Variants in NAALADL2 observed in about 807,000 individuals in gnomAD.
The protein encoded by NAALADL2 is inactive N-acetylated-alpha-linked acidic dipeptidase-like protein 2.
A neutral mutation model predicts 87.2 loss-of-function variants in NAALADL2; 76 were observed. The ratio of observed to expected loss-of-function variants is 0.87; its 90% CI spans 0.72 to 1.05. The LOEUF is 1.05. Among genes scored for constraint, NAALADL2 ranks in the 50% least tolerant of loss-of-function variants. The pLI, the probability that NAALADL2 is intolerant of heterozygous loss-of-function variation, is 0.00. For missense variants in NAALADL2, 1,089 were observed against 945.8 expected, an observed-to-expected ratio of 1.15 and a Z score of -1.99; for synonymous variants, 354 against 331.0, an observed-to-expected ratio of 1.07 and a Z score of -0.75.
At chr3:175,777,077 C>T (rs541092751) in intron 13 of NAALADL2, among the ~76,000 whole-genome samples, 5 of 151,318 alleles carry the variant, frequency 3.3e-5, no homozygotes, top group South Asian at 2.1e-4. Flanking sequence ...ATTTATTTGC[C>T]GTCTTCTGAT....
At chr3:174,918,845 A>G (rs1734763315) in intron 1 of NAALADL2, among the ~76,000 whole-genome samples, 1 of 152,180 alleles carries the variant, frequency 6.6e-6, no homozygotes, top group Non-Finnish European at 1.5e-5. Flanking sequence ...GATCAAAGAA[A>G]GAATAAAGAA....
intron 1 of NAALADL2, among the ~76,000 whole-genome samples, chr3:174,463,361 A>G (rs1716325869): frequency 6.6e-6 from 1 of 152,190 alleles, no homozygotes; most frequent in Admixed American, 6.5e-5. Flanking sequence ...ATGAAAAATA[A>G]CATCTACATG....
At chr3:175,204,771 C>G (rs1376928227) in intron 2 of NAALADL2, among the ~76,000 whole-genome samples, 1 of 152,030 alleles carries the variant, frequency 6.6e-6, no homozygotes, top group African/African-American at 2.4e-5. Context: ...TTAATGTGCA[C>G]AAATCAGCAC....
intron 2 of NAALADL2, among the ~76,000 whole-genome samples, chr3:174,711,158 A>G (rs962868398): frequency 2.6e-5 from 4 of 152,186 alleles, no homozygotes; most frequent in Non-Finnish European, 5.9e-5. Context: ...CTACACTTCC[A>G]GAAGTAAAGA....
chr3:174,969,471 C>A (rs966177438), intron 1 of NAALADL2, among the ~76,000 whole-genome samples: 1 of 152,150 alleles, frequency 6.6e-6, no homozygotes, highest in Non-Finnish European at 1.5e-5. Context: ...TGATAAAGAG[C>A]AATCTCTCAA....
intron 1 of NAALADL2, among the ~76,000 whole-genome samples, chr3:174,901,163 C>T (rs1168168382): frequency 6.6e-6 from 1 of 152,122 alleles, no homozygotes; most frequent in Non-Finnish European, 1.5e-5. Context: ...GATTCATTAA[C>T]ATATGTTTGA....
chr3:175,714,300 C>T (rs567031204), intron 11 of NAALADL2, among the ~76,000 whole-genome samples: 7 of 152,244 alleles, frequency 4.6e-5, no homozygotes, highest in South Asian at 2.1e-4. Flanking sequence ...CTTGAGGAAT[C>T]GCCACACTGT....
intron 1 of NAALADL2, among the ~76,000 whole-genome samples, chr3:175,012,206 C>T (rs1206149407): frequency 6.6e-6 from 1 of 152,052 alleles, no homozygotes; most frequent in African/African-American, 2.4e-5. Flanking sequence ...CTCCTGTTGC[C>T]CAAACTGGAG....
chr3:175,090,173 A>G (rs755491078), intron 1 of NAALADL2, among the ~76,000 whole-genome samples: 1 of 152,134 alleles, frequency 6.6e-6, no homozygotes, highest in Non-Finnish European at 1.5e-5. Context: ...AAAGGAGCCC[A>G]TGGCAGGAAC....
At chr3:175,065,452 T>A (rs897337345) in intron 1 of NAALADL2, among the ~76,000 whole-genome samples, 3 of 152,226 alleles carry the variant, frequency 2.0e-5, no homozygotes, top group Non-Finnish European at 4.4e-5. Context: ...TTTAAATTTT[T>A]AGATAGCTAT....
chr3:174,639,942 A>G (rs1282906786), intron 2 of NAALADL2, among the ~76,000 whole-genome samples: 2 of 152,170 alleles, frequency 1.3e-5, no homozygotes, highest in African/African-American at 4.8e-5. Flanking sequence ...TTTTTCTGCT[A>G]GAACTCATGT....
intron 1 of NAALADL2, among the ~76,000 whole-genome samples, chr3:175,076,462 G>A (rs187264570): frequency 6.6e-6 from 1 of 151,522 alleles, no homozygotes; most frequent in Admixed American, 6.6e-5. Flanking sequence ...ACTATTTCTC[G>A]CTGGACACAA....
intron 3 of NAALADL2, among the ~76,000 whole-genome samples, chr3:174,754,466 C>CTTT (rs11285494): frequency 1.6e-5 from 2 of 125,494 alleles, no homozygotes; most frequent in South Asian, 2.6e-4. Context: ...ACAGAGCTAT[C>CTTT]TTTTTTTTTT....
intron 1 of NAALADL2, among the ~76,000 whole-genome samples, chr3:175,050,765 C>T (rs1252465726): frequency 6.6e-6 from 1 of 151,930 alleles, no homozygotes; most frequent in Non-Finnish European, 1.5e-5. Context: ...TTAATATTAC[C>T]ATTATATTTT....
intron 3 of NAALADL2, among the ~76,000 whole-genome samples, chr3:174,792,925 C>T (rs924429162): frequency 2.6e-5 from 4 of 152,064 alleles, no homozygotes; most frequent in Non-Finnish European, 5.9e-5. Flanking sequence ...AAGGGTTTGG[C>T]AGTATACTTT....
intron 1 of NAALADL2, among the ~76,000 whole-genome samples, chr3:174,924,505 A>G (rs1204312263): frequency 1.3e-5 from 2 of 152,104 alleles, no homozygotes; most frequent in Non-Finnish European, 2.9e-5. Flanking sequence ...TATTGTGAAT[A>G]GTGCCGCAAT....
At chr3:175,113,915 T>C (rs1202995343) in intron 2 of NAALADL2, among the ~76,000 whole-genome samples, 1 of 151,652 alleles carries the variant, frequency 6.6e-6, no homozygotes, top group East Asian at 1.9e-4. Context: ...CTTGGAAAGA[T>C]AGTCTTGAAG....
chr3:175,025,066 A>C (rs1404877145), intron 1 of NAALADL2, among the ~76,000 whole-genome samples: 1 of 152,130 alleles, frequency 6.6e-6, no homozygotes, highest in East Asian at 1.9e-4. Context: ...ACTTGAATCA[A>C]ATTCTCACTT....
chr3:175,742,234 T>A (rs1219309504), intron 12 of NAALADL2, among the ~76,000 whole-genome samples: 1 of 152,206 alleles, frequency 6.6e-6, no homozygotes, highest in Non-Finnish European at 1.5e-5. Flanking sequence ...TTTGTAGCTA[T>A]ACTATATAGA....
Sources: allele counts gnomAD v4.1 joint callset (sites outside exome capture counted in the v4.1 genomes callset), GRCh38; gene constraint gnomAD v4.1.1; transcripts MANE v1.5; gene names NCBI Gene and HGNC (gene_info 2026-07-23, HGNC 2026-07-21).